Variants in SENP6 observed in about 807,000 individuals in gnomAD.
SENP6 encodes sentrin-specific protease 6.
In SENP6, 41 loss-of-function variants were observed where a neutral mutation model predicts 134.5. That is an observed-to-expected ratio of 0.30 (90% CI 0.24 to 0.40). SENP6 has a LOEUF of 0.40. Among genes scored for constraint, SENP6 ranks in the 10% least tolerant of loss-of-function variants. The pLI is 1.00. For synonymous variants in SENP6, 395 were observed against 429.8 expected, an observed-to-expected ratio of 0.92 and a Z score of 1.00; for missense variants, 1,248 against 1,312.5, an observed-to-expected ratio of 0.95 and a Z score of 0.76.
chr6:75,651,719 T>C (rs1414322145), intron 7 of SENP6, among the ~76,000 whole-genome samples: 1 of 152,210 alleles, frequency 6.6e-6, no homozygotes, highest in African/African-American at 2.4e-5. Flanking sequence ...CCAGATCTTT[T>C]CTATGCACAT....
At chr6:75,687,566 C>G (rs991863296) in intron 16 of SENP6, among the ~76,000 whole-genome samples, 4 of 152,162 alleles carry the variant, frequency 2.6e-5, no homozygotes. Context: ...ATGTTGGTGA[C>G]CGACAGATGG....
At chr6:75,612,683 G>C (rs1191374281) in intron 1 of SENP6, among the ~76,000 whole-genome samples, 1 of 152,092 alleles carries the variant, frequency 6.6e-6, no homozygotes, top group African/African-American at 2.4e-5. Context: ...CATAGAAACA[G>C]GAAACAGGAA....
At chr6:75,644,524 G>A (rs556269831) in intron 6 of SENP6, among the ~76,000 whole-genome samples, 12 of 146,980 alleles carry the variant, frequency 8.2e-5, no homozygotes, top group Non-Finnish European at 1.8e-4. Flanking sequence ...TGGCTCTGTC[G>A]CCTAGGCTAG....
At chr6:75,606,006 T>A (rs1767001754) in intron 1 of SENP6, among the ~76,000 whole-genome samples, 2 of 152,116 alleles carry the variant, frequency 1.3e-5, no homozygotes, top group Admixed American at 1.3e-4. Context: ...ACATTGAGTG[T>A]CAGAATAAGA....
rs536676040 is a variant in SENP6, at chr6:75,660,992, A to G, written c.696+1585A>G. ...CATTTCTCTGAGGAGCCATGCATAC[A>G]AGGAGAAGGAAATATCTTCTCCTTT... On this transcript the variant is annotated intron_variant, in intron 8 of 23. Transcript: ENST00000447266. Among the ~76,000 whole-genome samples the G allele has an allele frequency of 1.9e-4, 29 of 152,216 alleles. No homozygotes were observed. The South Asian group carries it at 6.0e-3, about 32-fold the overall frequency.
At chr6:75,697,586 G>C (rs1774742086) in intron 18 of SENP6, 69 bp downstream of exon 18, 1 of 1,026,908 alleles carries the variant, frequency 9.7e-7, no homozygotes, top group South Asian at 1.4e-5. Context: ...TAAATAATGA[G>C]TATGAGGTGA....
Position 75,647,803 on chromosome 6 carries a change from T to G in SENP6, c.550+2T>G, listed in dbSNP as rs1770571984. ...GGTTAAGTCGGCTCCAAGGTGTTGGTAAGTGTGCAGTTTTGTTACACCTGT... is the reference window on the plus strand; with the variant it reads ...GGTTAAGTCGGCTCCAAGGTGTTGGGAAGTGTGCAGTTTTGTTACACCTGT... On this transcript the variant is annotated splice_donor_variant, in intron 7 of 23. Transcript: ENST00000447266. LOFTEE classifies it high-confidence loss of function. 6.2e-7 allele frequency: 1 copy of G among 1,610,446 alleles called. No homozygotes were observed. The highest frequency in any genetic ancestry group is 1.7e-5 in the Admixed American group (1 of 59,810).
chr6:75,663,821 TGG>T (rs34474209), intron 9 of SENP6, among the ~76,000 whole-genome samples: 6,566 of 117,426 alleles, frequency 0.056, 337 homozygotes, highest in East Asian at 0.13. Context: ...TTTTTTTTTG[TGG>T]GGGGGGGGGT....
chr6:75,657,664 A>C (rs555455355), intron 7 of SENP6, among the ~76,000 whole-genome samples: 1 of 152,330 alleles, frequency 6.6e-6, no homozygotes, highest in South Asian at 2.1e-4. Flanking sequence ...GGGAAAACAC[A>C]TGACTAAAAC....
rs1160822658 is a variant in SENP6, at chr6:75,634,838, G to A, written c.458+27G>A. The A allele has an allele frequency of 1.0e-5, 14 of 1,402,730 alleles. No individual in the cohort carries two copies. In the South Asian group the frequency reaches 1.6e-4, roughly 16 times the overall value. 86.9% of individuals were successfully genotyped at this position (1,402,730 alleles called of 1,614,324 possible). On this transcript the variant is annotated intron_variant, in intron 5 of 23. Coordinates refer to ENST00000447266, the MANE Select transcript of SENP6 (RefSeq NM_015571.4). ...TAAGAATTCTAATTGTCTTTGGTTA[G>A]TATATACATGGCATCTTCTTCAATA...
chr6:75,662,412 G>C (rs983506126), intron 8 of SENP6, among the ~76,000 whole-genome samples: 2 of 152,068 alleles, frequency 1.3e-5, no homozygotes, highest in Middle Eastern at 3.2e-3. Flanking sequence ...TGGGCTTACA[G>C]ACCTGAGCCA....
intron 8 of SENP6, among the ~76,000 whole-genome samples, chr6:75,660,159 T>C (rs1487226543): frequency 6.6e-6 from 1 of 152,194 alleles, no homozygotes; most frequent in Non-Finnish European, 1.5e-5. Flanking sequence ...TGCCTCAAAT[T>C]GGGTTTGTCT....
At chr6:75,623,379 G>A (rs1436542449) in intron 2 of SENP6, among the ~76,000 whole-genome samples, 2 of 152,108 alleles carry the variant, frequency 1.3e-5, no homozygotes, top group African/African-American at 4.8e-5. Context: ...TTTCAGGCCG[G>A]TGATTTCTCA....
chr6:75,671,188 A>T (rs2149873725), intron 11 of SENP6, among the ~76,000 whole-genome samples: 1 of 152,346 alleles, frequency 6.6e-6, no homozygotes, highest in African/African-American at 2.4e-5. Flanking sequence ...TGTACTTACT[A>T]TTCTGCCACC....
At chr6:75,651,161 A>G (rs1487811025) in intron 7 of SENP6, among the ~76,000 whole-genome samples, 2 of 151,712 alleles carry the variant, frequency 1.3e-5, no homozygotes, top group Non-Finnish European at 2.9e-5. Flanking sequence ...TTAAGATCTC[A>G]TTTTTCTCTC....
At chr6:75,630,526 A>G (rs1425586908) in intron 3 of SENP6, among the ~76,000 whole-genome samples, 1 of 152,226 alleles carries the variant, frequency 6.6e-6, no homozygotes, top group African/African-American at 2.4e-5. Flanking sequence ...CACAGAGCTC[A>G]GACTGCTCTG....
At chr6:75,678,782 T>C (rs543448073) in intron 15 of SENP6, 29 bp from the exon 16 acceptor site, 3 of 1,438,010 alleles carry the variant, frequency 2.1e-6, no homozygotes, top group Non-Finnish European at 2.9e-6. Context: ...TAGATTTGTT[T>C]ATTTGCTTGC....
chr6:75,644,039 A>G (rs917687929), intron 6 of SENP6: 2 of 152,176 alleles, frequency 1.3e-5, no homozygotes, highest in African/African-American at 2.4e-5. Context: ...AAGACACAGA[A>G]TGAGTATGGT....
chr6:75,624,762 CT>C (rs987832676), intron 3 of SENP6, among the ~76,000 whole-genome samples: 6 of 152,060 alleles, frequency 3.9e-5, no homozygotes, highest in African/African-American at 1.2e-4. Flanking sequence ...CTAAGACACA[CT>C]TTTTTTCACA....
Sources: gnomAD v4.1 joint callset for allele counts (sites outside exome capture counted in the v4.1 genomes callset) on GRCh38, gnomAD v4.1.1 for gene constraint, MANE v1.5 for transcripts, NCBI Gene and HGNC (gene_info 2026-07-23, HGNC 2026-07-21) for gene names.